The following RALGAPA1 variants were observed in gnomAD, a reference collection of about 807,000 sequenced individuals.
The protein encoded by RALGAPA1 is ral GTPase-activating protein subunit alpha-1.
In RALGAPA1, 52 loss-of-function variants were observed where a neutral mutation model predicts 269.6. That is an observed-to-expected ratio of 0.19 (90% CI 0.15 to 0.24). The LOEUF (loss-of-function observed/expected upper bound fraction) is 0.24. RALGAPA1 is among the 10% of genes least tolerant of loss of function. RALGAPA1 has a pLI of 1.00. For synonymous variants in RALGAPA1, 817 were observed against 1,008.3 expected, an observed-to-expected ratio of 0.81 and a Z score of 3.60; for missense variants, 1,917 against 3,013.9, an observed-to-expected ratio of 0.64 and a Z score of 8.52.
At chr14:35,763,793 TAG>T (rs1336656004) in intron 4 of RALGAPA1, among the ~76,000 whole-genome samples, 2,135 of 143,646 alleles carry the variant, frequency 0.015, 23 homozygotes, top group African/African-American at 0.038. Context: ...TATATATATA[TAG>T]AGAGAGAGAG....
rs12161867 is a variant in RALGAPA1, at chr14:35,696,397, A to T, written c.2407+3765T>A. Among the ~76,000 whole-genome samples, 137 of 150,448 alleles carry T rather than the reference A, an allele frequency of 9.1e-4. 1 individual carries two copies. The highest frequency in any genetic ancestry group is 3.1e-3 in the African/African-American group (126 of 41,142). On this transcript the variant is annotated intron_variant, in intron 17 of 41. Coordinates refer to ENST00000680220, the MANE Select transcript of RALGAPA1 (RefSeq NM_001346249.2). ...GGCAACAGAGCAAATTAAAAAAAAA[A>T]TTTTTTTTTTTAACTCTTCAAGAAT...
intron 12 of RALGAPA1, among the ~76,000 whole-genome samples, chr14:35,732,203 A>G (rs2141049405): frequency 6.6e-6 from 1 of 152,278 alleles, no homozygotes; most frequent in East Asian, 1.9e-4. Context: ...ATTTGCCAAT[A>G]CCAAGCCACC....
At chr14:35,720,979 A>C (rs2069362535) in intron 16 of RALGAPA1, among the ~76,000 whole-genome samples, 2 of 152,218 alleles carry the variant, frequency 1.3e-5, no homozygotes, top group South Asian at 4.1e-4. Flanking sequence ...TTAGTGATCA[A>C]AGAGAGTAAG....
At chr14:35,602,890 G>T (rs1221030210) in intron 36 of RALGAPA1, among the ~76,000 whole-genome samples, 9 of 151,998 alleles carry the variant, frequency 5.9e-5, no homozygotes, top group Admixed American at 5.9e-4. Flanking sequence ...TAACATTTAG[G>T]TCTGTGATCC....
chr14:35,615,378 A>G (rs543004380), intron 35 of RALGAPA1, among the ~76,000 whole-genome samples: 48 of 152,308 alleles, frequency 3.2e-4, no homozygotes, highest in Non-Finnish European at 6.3e-4. Context: ...AAGAATCTAT[A>G]AATGGTCTAG....
chr14:35,650,332 C>T (rs2062734869), intron 31 of RALGAPA1, among the ~76,000 whole-genome samples: 1 of 151,948 alleles, frequency 6.6e-6, no homozygotes, highest in Non-Finnish European at 1.5e-5. Flanking sequence ...TTGCAGTGAG[C>T]CGAGACTGTG....
chr14:35,742,554 T>G lies in RALGAPA1; in HGVS notation c.1263A>C (p.Leu421Phe). The G allele has an allele frequency of 1.9e-6, 3 of 1,606,466 alleles. No homozygotes were observed. The highest frequency in any genetic ancestry group is 2.6e-6 in the Non-Finnish European group (3 of 1,174,126). ...TCATAGCTGCTGCTTCACAAATTGG[T>G]AATAAAAATGCCTAGGGAAAAAAAG... ...VTEIFRQAFLLPICEAAAMRK... is the reference protein window; with the variant it reads ...VTEIFRQAFLFPICEAAAMRK... The change falls in exon 11 of 42, where the codon TTA (leucine) becomes TTC (phenylalanine). Residue 421 changes from leucine (L) to phenylalanine (F), a missense_variant. Transcript: ENST00000680220.
intron 37 of RALGAPA1, among the ~76,000 whole-genome samples, chr14:35,590,421 G>A (rs1231592323): frequency 6.6e-6 from 1 of 152,170 alleles, no homozygotes; most frequent in African/African-American, 2.4e-5. Context: ...TGTAATCACT[G>A]GGTATTGAGA....
intron 17 of RALGAPA1, among the ~76,000 whole-genome samples, chr14:35,696,270 C>T (rs1054701830): frequency 2.0e-5 from 3 of 151,906 alleles, no homozygotes; most frequent in African/African-American, 4.8e-5. Context: ...AAAAATTAGC[C>T]GGATGTGGTG....
chr14:35,797,674 C>T (rs1401289079), intron 1 of RALGAPA1, among the ~76,000 whole-genome samples: 1 of 151,526 alleles, frequency 6.6e-6, no homozygotes, highest in African/African-American at 2.4e-5. Context: ...GGAGAAGCCC[C>T]GTGTCTACTT....
chr14:35,671,739 T>C (rs886334914), intron 25 of RALGAPA1, among the ~76,000 whole-genome samples: 45 of 152,214 alleles, frequency 3.0e-4, no homozygotes, highest in Non-Finnish European at 1.0e-4. Flanking sequence ...TTAACTGGCA[T>C]AAATAACAGC....
intron 6 of RALGAPA1, among the ~76,000 whole-genome samples, chr14:35,758,852 A>G (rs533550664): frequency 1.3e-5 from 2 of 152,316 alleles, no homozygotes; most frequent in South Asian, 4.1e-4. Context: ...AGTGGCTGAC[A>G]CCTGTGATCC....
At chr14:35,628,633 A>G (rs890829437) in intron 33 of RALGAPA1, among the ~76,000 whole-genome samples, 4 of 152,222 alleles carry the variant, frequency 2.6e-5, no homozygotes, top group African/African-American at 9.6e-5. Flanking sequence ...ATGTTTCAGA[A>G]AAGGTGACAT....
In RALGAPA1 at chr14:35,790,172, G is replaced by A. The variant is rs544480846; in HGVS notation, c.107-14427C>T. ...AAAGGCTGAGGCATGAGAATAGCTT[G>A]AACCCTGGAGGCAGTGGTTGCAGTG... On this transcript the variant is annotated intron_variant, in intron 1 of 41. Coordinates refer to ENST00000680220, the MANE Select transcript of RALGAPA1 (RefSeq NM_001346249.2). Among the ~76,000 whole-genome samples the A allele has an allele frequency of 3.9e-5, 6 of 152,040 alleles. No individual in the cohort carries two copies. The East Asian group carries it at 5.8e-4, about 15-fold the overall frequency.
At chr14:35,625,099 G>A (rs968861697) in intron 35 of RALGAPA1, among the ~76,000 whole-genome samples, 2 of 146,756 alleles carry the variant, frequency 1.4e-5, no homozygotes, top group South Asian at 2.2e-4. Context: ...GAGGCTGAGC[G>A]GAGATCATGC....
chr14:35,557,098 ATGTGTG>A (rs56835063), intron 39 of RALGAPA1, among the ~76,000 whole-genome samples: 16,319 of 142,426 alleles, frequency 0.11, 1,969 homozygotes, highest in African/African-American at 0.29. Context: ...TCCAATATGT[ATGTGTG>A]TGTGTGTGTG....
chr14:35,575,685 C>T (rs2057509904), intron 37 of RALGAPA1, among the ~76,000 whole-genome samples: 1 of 152,182 alleles, frequency 6.6e-6, no homozygotes, highest in Non-Finnish European at 1.5e-5. Context: ...ACCTCCGCCT[C>T]CCAGGTTCAA....
chr14:35,622,094 G>C (rs1255106710), intron 35 of RALGAPA1, among the ~76,000 whole-genome samples: 1 of 152,140 alleles, frequency 6.6e-6, no homozygotes, highest in Non-Finnish European at 1.5e-5. Context: ...ATTCACAATA[G>C]CAAAGACTTG....
At chr14:35,626,775 C>A (rs189192523) in intron 34 of RALGAPA1, among the ~76,000 whole-genome samples, 5 of 151,274 alleles carry the variant, frequency 3.3e-5, no homozygotes, top group African/African-American at 9.7e-5. Flanking sequence ...TGATTCAAAC[C>A]GGAAATAATC....
Sources: gnomAD v4.1 joint callset for allele counts (sites outside exome capture counted in the v4.1 genomes callset) on GRCh38, gnomAD v4.1.1 for gene constraint, MANE v1.5 for transcripts, NCBI Gene and HGNC (gene_info 2026-07-23, HGNC 2026-07-21) for gene names.